CILP2: variants seen among roughly 807,000 people sequenced by gnomAD.
CILP2 encodes cartilage intermediate layer protein 2, also known as CILP-2.
A neutral mutation model predicts 45.6 loss-of-function variants in CILP2; 38 were observed. The observed-to-expected ratio is 0.83, with a 90% CI of 0.64 to 1.09. The LOEUF is 1.09. CILP2 is among the 50% of genes least tolerant of loss of function. The probability of loss-of-function intolerance (pLI) is 0.00; values close to 1 mark genes in which losing one functional copy is unlikely to be tolerated. For missense variants in CILP2, 1,735 were observed against 1,662.2 expected (o/e 1.04, Z -0.76); for synonymous variants, 780 against 723.5 (o/e 1.08, Z -1.25).
Position 19,544,037 on chromosome 19 carries a change from G to A in CILP2, c.1492G>A (p.Glu498Lys), listed in dbSNP as rs1568369881. Residue 498 changes from glutamate to lysine, a missense_variant, in exon 8 of 8, where the codon GAG (glutamate) becomes AAG (lysine). By Grantham distance (56) the Glu-to-Lys change is moderately conservative (BLOSUM62 1). Transcript: ENST00000291495. ...LRFARILLGQ[E>K]PIGFTAYQGD... ...CTTCGCCAGGATTCTGCTGGGCCAG[G>A]AGCCCATCGGCTTCACCGCCTACCA... The A allele has an allele frequency of 1.2e-6, 2 of 1,613,928 alleles. No individual in the cohort carries two copies. The highest frequency in any genetic ancestry group is 1.1e-5 in the South Asian group (1 of 91,082).
chr19:19,540,593 GC>G, intron 3 of CILP2, 117 bp downstream of exon 3: 1 of 1,174,536 alleles, frequency 8.5e-7, no homozygotes, highest in Non-Finnish European at 1.1e-6. Flanking sequence ...TGTGGGCGTG[GC>G]TGGGAAGAGC....
chr19:19,543,960 G>A lies in CILP2; in HGVS notation c.1415G>A (p.Arg472Gln), dbSNP rs758188343. The change falls in exon 8 of 8, where the codon CGG becomes CAG. Residue 472 changes from arginine (R) to glutamine (Q), a missense_variant. By Grantham distance (43) the Arg-to-Gln change is conservative. Transcript: ENST00000291495. ...GGCTGCCAGAAGTGTCTGCCCCCTC[G>A]GGGGCTGGTCCGGGGCCGTGTTGTG... ...ECGCQKCLPP[R>Q]GLVRGRVVAA... 5 of 1,613,248 alleles carry A rather than the reference G, an allele frequency of 3.1e-6. No individual in the cohort carries two copies. The Admixed American group carries it at 5.0e-5, about 16-fold the overall frequency.
rs2061257755 is a variant in CILP2, at chr19:19,544,833, T to C, written c.2288T>C (p.Val763Ala). ...EQVEGVVVTL[V>A]NLEPAPGFSA... The stretch of plus-strand genomic sequence containing the variant: ...GTGGAGGGCGTGGTGGTCACGCTGG[T>C]CAATCTGGAGCCCGCCCCCGGCTTC... Residue 763 changes from valine (V) to alanine (A), a missense_variant, in exon 8 of 8, where the codon GTC (valine) becomes GCC (alanine). Transcript: ENST00000291495. 6.2e-7 allele frequency: 1 copy of C among 1,601,856 alleles called. No homozygotes were observed. The highest frequency in any genetic ancestry group is 1.3e-5 in the African/African-American group (1 of 74,874).
Position 19,543,851 on chromosome 19 carries a change from C to A in CILP2, c.1306C>A (p.Arg436Ser), listed in dbSNP as rs764183598. 1.2e-6 allele frequency: 2 copies of A among 1,613,756 alleles called. No individual in the cohort carries two copies. Among genetic ancestry groups the A allele is most frequent in the East Asian group, 2.2e-5 (1 of 44,872 alleles). ...CCCCCGCTGCGGGGACGCCAGCTCCCGCTGCTGCTCTGTGCGCCGTCTGGA... is the reference window on the plus strand; with the variant it reads ...CCCCCGCTGCGGGGACGCCAGCTCCAGCTGCTGCTCTGTGCGCCGTCTGGA... Reference protein sequence around the residue: ...SSPRCGDASSRCCSVRRLERR... With the variant: ...SSPRCGDASSSCCSVRRLERR... The change falls in exon 8 of 8, where the codon CGC becomes AGC. Residue 436 changes from arginine to serine, a missense_variant. By Grantham distance (110) the Arg-to-Ser change is moderately radical (BLOSUM62 -1). Coordinates refer to ENST00000291495, the MANE Select transcript of CILP2 (RefSeq NM_153221.2).
chr19:19,540,700 G>T, intron 3 of CILP2: 1 of 545,346 alleles, frequency 1.8e-6, no homozygotes, highest in Non-Finnish European at 3.0e-6. Context: ...GGGCCCAAGT[G>T]CACCGTCAGG....
Position 19,539,899 on chromosome 19 carries a change from C to A in CILP2, c.163+122C>A, listed in dbSNP as rs979531256. 6 of 809,460 alleles carry A rather than the reference C, an allele frequency of 7.4e-6. No homozygotes were observed. The East Asian group carries it at 1.9e-4, about 25-fold the overall frequency. The allele number at this position is 809,460 out of a possible 1,614,324, so 50.1% of individuals were successfully genotyped here. On this transcript the variant is annotated intron_variant, in intron 2 of 7. Transcript: ENST00000291495. The stretch of plus-strand genomic sequence containing the variant: ...ACGAAGGGCCCGGCGCCGTCCTGGT[C>A]CCCGGACATGACAGCCCCTGGAGGT...
In CILP2 at chr19:19,545,000, G is replaced by A. The variant is rs376232127; in HGVS notation, c.2455G>A (p.Glu819Lys). 1.3e-5 allele frequency: 21 copies of A among 1,601,298 alleles called. No individual in the cohort carries two copies. Among genetic ancestry groups the A allele is most frequent in the East Asian group, 2.2e-5 (1 of 44,730 alleles). ...CGCCACCCTGGGCGGCGAGGAGCTG[G>A]AGCCGGCCCCTTCCTTGCCCCGCCC... ...VTATLGGEEL[E>K]PAPSLPRPLP... The change falls in exon 8 of 8, where the codon GAG becomes AAG. Residue 819 changes from glutamate (E) to lysine (K), a missense_variant. Glu to Lys is a moderately conservative substitution (Grantham distance 56). Transcript: ENST00000291495.
At chr19:19,540,127 A>G in intron 2 of CILP2, 77 bp from the exon 3 acceptor site, 3 of 1,424,412 alleles carry the variant, frequency 2.1e-6, no homozygotes, top group Non-Finnish European at 2.7e-6. Context: ...GGGCTGAGAC[A>G]GCAAGTAAGG....
chr19:19,538,404 G>A lies in CILP2; in HGVS notation c.55G>A (p.Gly19Arg). The A allele has an allele frequency of 6.4e-7, 1 of 1,554,384 alleles. No individual in the cohort carries two copies. The highest frequency in any genetic ancestry group is 2.5e-5 in the East Asian group (1 of 39,268). The part of the protein sequence containing the change: ...CLCVVAAHLA[G>R]ARDATPTEEP... ...CTGTGTCGTCGCTGCGCACCTGGCGGGGGCCCGAGGTGAGGCGCCTCCAGC... is the reference window on the plus strand; with the variant it reads ...CTGTGTCGTCGCTGCGCACCTGGCGAGGGCCCGAGGTGAGGCGCCTCCAGC... Residue 19 changes from glycine (G) to arginine (R), a missense_variant, in exon 1 of 8, where the codon GGG becomes AGG. Gly to Arg is a moderately radical substitution (Grantham distance 125). Coordinates refer to ENST00000291495, the MANE Select transcript of CILP2 (RefSeq NM_153221.2).
intron 3 of CILP2, chr19:19,540,836 A>G: frequency 2.4e-6 from 1 of 414,298 alleles, no homozygotes; most frequent in South Asian, 9.7e-5. Flanking sequence ...TGCAGGATGC[A>G]GGGAGAAAAG....
In CILP2 at chr19:19,543,795, A is replaced by T; in HGVS notation, c.1250A>T (p.Asp417Val). Reference protein sequence around the residue: ...PAYLDVGLCPDTRCPSLAGSS... With the variant: ...PAYLDVGLCPVTRCPSLAGSS... The stretch of plus-strand genomic sequence containing the variant: ...TACCTGGATGTGGGCCTCTGTCCCG[A>T]CACCCGCTGCCCCAGCCTGGCAGGC... The change falls in exon 8 of 8, where the codon GAC becomes GTC. Residue 417 changes from aspartate (D) to valine (V), a missense_variant. Transcript: ENST00000291495. 6.2e-7 allele frequency: 1 copy of T among 1,613,768 alleles called. No homozygotes were observed. The highest frequency in any genetic ancestry group is 2.2e-5 in the East Asian group (1 of 44,848).
chr19:19,546,048 T>A lies in CILP2; in HGVS notation c.*32T>A. 7.0e-7 allele frequency: 1 copy of A among 1,419,230 alleles called. No homozygotes were observed. The highest frequency in any genetic ancestry group is 9.2e-7 in the Non-Finnish European group (1 of 1,088,770). 87.9% of individuals were successfully genotyped at this position (1,419,230 alleles called of 1,614,324 possible). ...CAGGGGCCTCGCTTTCCCACCTCCC[T>A]CCAGACTCCTTTGACCCCAGGAAGT... On this transcript the variant is annotated 3_prime_UTR_variant, in exon 8 of 8. Coordinates refer to ENST00000291495, the MANE Select transcript of CILP2 (RefSeq NM_153221.2).
chr19:19,541,397 C>T (rs1380846380), intron 4 of CILP2, 151 bp downstream of exon 4: 3 of 734,992 alleles, frequency 4.1e-6, no homozygotes, highest in Non-Finnish European at 5.6e-6. Context: ...AGGGGAGGAG[C>T]TAGTTGGGGG....
In CILP2 at chr19:19,544,561, G is replaced by A. The variant is rs1446746484; in HGVS notation, c.2016G>A (p.Met672Ile). The A allele has an allele frequency of 6.3e-7, 1 of 1,577,966 alleles. No individual in the cohort carries two copies. Among genetic ancestry groups the A allele is most frequent in the African/African-American group, 1.3e-5 (1 of 74,310 alleles). ...AVRVAASQIHMPGHVEALKLW... is the reference protein window; with the variant it reads ...AVRVAASQIHIPGHVEALKLW... ...GGGTGGCCGCCAGCCAGATCCACAT[G>A]CCAGGCCACGTGGAGGCCCTCAAGC... is the stretch of plus-strand genomic sequence containing the variant. Residue 672 changes from methionine (M) to isoleucine (I), a missense_variant, in exon 8 of 8, where the codon ATG becomes ATA. Transcript: ENST00000291495.
In CILP2 at chr19:19,542,943, C is replaced by T. The variant is rs143695168; in HGVS notation, c.948C>T (p.Ser316=). 494 of 1,613,636 alleles carry T rather than the reference C, an allele frequency of 3.1e-4. No individual in the cohort carries two copies. The East Asian group carries it at 4.8e-3, about 16-fold the overall frequency. Residue 316 remains serine (S), a synonymous_variant, in exon 6 of 8, where the codon TCC becomes TCT. Coordinates refer to ENST00000291495, the MANE Select transcript of CILP2 (RefSeq NM_153221.2). ...GQNVTFCCKA[S]GTPMPKKYSW... ...ATGTGACTTTCTGCTGCAAAGCCTCCGGGACCCCCATGCCCAAGAAATACT... is the reference window on the plus strand; with the variant it reads ...ATGTGACTTTCTGCTGCAAAGCCTCTGGGACCCCCATGCCCAAGAAATACT...
At position 19,545,437 on chromosome 19, in the gene CILP2, C is replaced by T. The variant is rs200358535; in HGVS notation, c.2892C>T (p.Arg964=). ...RSHNAGGSHP[R]TRGQLYGLRD... is the part of the protein sequence containing the mutation. ...ACAACGCAGGGGGCAGCCACCCACG[C>T]ACCCGCGGCCAGCTCTACGGACTTC... The change falls in exon 8 of 8, where the codon CGC becomes CGT. Residue 964 remains arginine (R), a synonymous_variant. Transcript: ENST00000291495. The T allele has an allele frequency of 8.7e-5, 140 of 1,612,286 alleles. No individual in the cohort carries two copies. The highest frequency in any genetic ancestry group is 1.2e-4 in the Non-Finnish European group (138 of 1,179,674).
In CILP2 at chr19:19,545,268, A is replaced by G; in HGVS notation, c.2723A>G (p.Glu908Gly). The G allele has an allele frequency of 6.2e-7, 1 of 1,612,792 alleles. No homozygotes were observed. The highest frequency in any genetic ancestry group is 8.5e-7 in the Non-Finnish European group (1 of 1,179,810). ...GCCAGGGTGGAGGCGGACAAGTACG[A>G]GTACAACGTGGTCCCCTTCCGAGAG... The part of the protein sequence containing the change: ...RFARVEADKY[E>G]YNVVPFREGT... Residue 908 changes from glutamate (E) to glycine (G), a missense_variant, in exon 8 of 8, where the codon GAG becomes GGG. Physicochemically the swap from Glu to Gly is moderately conservative, Grantham distance 98. Coordinates refer to ENST00000291495, the MANE Select transcript of CILP2 (RefSeq NM_153221.2).
chr19:19,544,328 G>A lies in CILP2; in HGVS notation c.1783G>A (p.Asp595Asn), dbSNP rs147931006. The stretch of plus-strand genomic sequence containing the variant: ...GCCTTCTGGCGCTTTCCGCAGAGCC[G>A]ACGGCAAACCCTACTCGGGGCCTGT... The part of the protein sequence containing the change: ...VLPSGAFRRA[D>N]GKPYSGPVEA... The change falls in exon 8 of 8, where the codon GAC (aspartate) becomes AAC (asparagine). Residue 595 changes from aspartate to asparagine, a missense_variant. By Grantham distance (23) the Asp-to-Asn change is conservative (BLOSUM62 1). Transcript: ENST00000291495. The A allele has an allele frequency of 1.5e-4, 236 of 1,612,118 alleles. No individual in the cohort carries two copies. Among genetic ancestry groups the A allele is most frequent in the Non-Finnish European group, 1.8e-4 (216 of 1,179,934 alleles).
rs747177375 is a variant in CILP2 at position 19,542,481 on chromosome 19, G to A, written c.699G>A (p.Gln233=). 1 of 1,613,638 alleles carries A rather than the reference G, an allele frequency of 6.2e-7. No individual in the cohort carries two copies. The highest frequency in any genetic ancestry group is 1.1e-5 in the South Asian group (1 of 91,078). ...LLGARVSLRD[Q]PGTVATSDAH... is the part of the protein sequence containing the mutation. The stretch of plus-strand genomic sequence containing the variant: ...GAGCCAGGGTCTCCCTGCGAGACCA[G>A]CCTGGCACTGTGGCCACCAGCGATG... Residue 233 remains glutamine (Q), a synonymous_variant, in exon 5 of 8, where the codon CAG becomes CAA. Transcript: ENST00000291495.
Sources: allele counts gnomAD v4.1 joint callset, GRCh38; gene constraint gnomAD v4.1.1; transcripts MANE v1.5; gene names NCBI Gene and HGNC (gene_info 2026-07-23, HGNC 2026-07-21).